The following HS3ST3B1 variants were observed in gnomAD, a reference collection of about 807,000 sequenced individuals.
The protein encoded by HS3ST3B1 is heparan sulfate glucosamine 3-O-sulfotransferase 3B1.
In HS3ST3B1, 13 loss-of-function variants were observed where a neutral mutation model predicts 21.3. The observed-to-expected ratio is 0.61, with a 90% CI of 0.40 to 0.97. The LOEUF (loss-of-function observed/expected upper bound fraction) is 0.97, where lower values mean the gene tolerates loss of function less well. Among genes scored for constraint, HS3ST3B1 ranks in the 50% least tolerant of loss-of-function variants. The pLI, the probability that HS3ST3B1 is intolerant of heterozygous loss-of-function variation, is 0.00. For missense variants in HS3ST3B1, 459 were observed against 554.8 expected, an observed-to-expected ratio of 0.83 and a Z score of 1.73; for synonymous variants, 234 against 254.8, an observed-to-expected ratio of 0.92 and a Z score of 0.78.
intron 1 of HS3ST3B1, among the ~76,000 whole-genome samples, chr17:14,331,624 T>C (rs2142345060): frequency 6.6e-6 from 1 of 152,030 alleles, no homozygotes; most frequent in South Asian, 2.1e-4. Context: ...TTAAAACATT[T>C]AAAAAAGGAA....
rs775511013 is a variant in HS3ST3B1, at chr17:14,301,630, G to C, written c.112G>C (p.Ala38Pro). 1.2e-6 allele frequency: 2 copies of C among 1,607,532 alleles called. No homozygotes were observed. The highest frequency in any genetic ancestry group is 2.2e-5 in the East Asian group (1 of 44,646). ...GAGGAGGAAGCTCGCGCTGCTCTTC[G>C]CCATGCTCTGCGTCTGGCTCTATAT... Reference protein sequence around the residue: ...PVRRKLALLFAMLCVWLYMFL... With the variant: ...PVRRKLALLFPMLCVWLYMFL... The change falls in exon 1 of 2, where the codon GCC becomes CCC. Residue 38 changes from alanine to proline, a missense_variant. By Grantham distance (27) the Ala-to-Pro change is conservative. Coordinates refer to ENST00000360954, the MANE Select transcript of HS3ST3B1 (RefSeq NM_006041.3).
intron 1 of HS3ST3B1, among the ~76,000 whole-genome samples, chr17:14,331,854 G>A (rs1440945376): frequency 6.6e-6 from 1 of 152,122 alleles, no homozygotes; most frequent in African/African-American, 2.4e-5. Flanking sequence ...TTCTCAGAAA[G>A]GGTGGCTTTG....
intron 1 of HS3ST3B1, among the ~76,000 whole-genome samples, chr17:14,317,136 A>G (rs562041111): frequency 2.0e-5 from 3 of 152,326 alleles, no homozygotes; most frequent in African/African-American, 7.2e-5. Context: ...CTAGCTTTTC[A>G]TTCTTATCAC....
intron 1 of HS3ST3B1, among the ~76,000 whole-genome samples, chr17:14,337,612 C>T (rs1278377169): frequency 1.3e-5 from 2 of 151,610 alleles, no homozygotes; most frequent in Non-Finnish European, 2.9e-5. Flanking sequence ...GCTGGGATTA[C>T]AGGTGTGAGC....
intron 1 of HS3ST3B1, among the ~76,000 whole-genome samples, chr17:14,313,093 G>T (rs896948363): frequency 3.1e-4 from 21 of 68,056 alleles, no homozygotes; most frequent in South Asian, 7.6e-4. Flanking sequence ...GTGTGTGTGT[G>T]GTGTGTGTGT....
chr17:14,315,938 G>A (rs1045257334), intron 1 of HS3ST3B1, among the ~76,000 whole-genome samples: 3 of 151,868 alleles, frequency 2.0e-5, no homozygotes, highest in Non-Finnish European at 2.9e-5. Context: ...ATAAATTAAA[G>A]TAAATAAATG....
chr17:14,336,270 A>G lies in HS3ST3B1; in HGVS notation c.555-8758A>G, dbSNP rs999658703. On this transcript the variant is annotated intron_variant, in intron 1 of 1. Transcript: ENST00000360954. ...TGAGTTAGGTTACGCCCATTTCAATAATCTTTTTTATTGTTGTGTAATTTA... is the reference window on the plus strand; with the variant it reads ...TGAGTTAGGTTACGCCCATTTCAATGATCTTTTTTATTGTTGTGTAATTTA... Among the ~76,000 whole-genome samples the G allele has an allele frequency of 2.0e-5, 3 of 152,156 alleles. No individual in the cohort carries two copies. The East Asian group carries it at 5.8e-4, about 29-fold the overall frequency.
At chr17:14,340,945 C>A (rs890697809) in intron 1 of HS3ST3B1, among the ~76,000 whole-genome samples, 1 of 152,088 alleles carries the variant, frequency 6.6e-6, no homozygotes, top group African/African-American at 2.4e-5. Context: ...AGTAGTTCCC[C>A]TGGCTCAGTT....
chr17:14,326,456 A>G (rs1337567571), intron 1 of HS3ST3B1, among the ~76,000 whole-genome samples: 1 of 152,196 alleles, frequency 6.6e-6, no homozygotes, highest in Non-Finnish European at 1.5e-5. Context: ...CTGTTTTCCA[A>G]TCCATTTTTC....
chr17:14,309,230 T>A (rs986376573), intron 1 of HS3ST3B1, among the ~76,000 whole-genome samples: 1 of 152,308 alleles, frequency 6.6e-6, no homozygotes, highest in East Asian at 1.9e-4. Flanking sequence ...GCGGCCCTGG[T>A]GTCGCGCGGG....
rs1910601552 is a variant in HS3ST3B1, at chr17:14,347,036, G to C, written c.*1390G>C. The C allele has an allele frequency of 6.6e-6, 1 of 152,248 alleles. No individual in the cohort carries two copies. Among genetic ancestry groups the C allele is most frequent in the African/African-American group, 2.4e-5 (1 of 41,456 alleles). The allele number at this position is 152,248 out of a possible 1,614,324, so 9.4% of individuals were successfully genotyped here. A position where few individuals can be genotyped will look rare whatever the true frequency, so the allele number is the denominator to read the frequency against. ...AGGAAGGAGTCTGACACCTCAGCTT[G>C]ATGCGTCTTTGGAATTCCTAGCTCA... On this transcript the variant is annotated 3_prime_UTR_variant, in exon 2 of 2. Coordinates refer to ENST00000360954, the MANE Select transcript of HS3ST3B1 (RefSeq NM_006041.3).
rs540157956 is a variant in HS3ST3B1, at chr17:14,326,272, A to G, written c.555-18756A>G. ...GTTGGAAGGAGGGTTGGAAAGAGCG[A>G]GGGAGGAACTTAGAATTCCCTTGGA... On this transcript the variant is annotated intron_variant, in intron 1 of 1. Transcript: ENST00000360954. Among the ~76,000 whole-genome samples, 268 of 152,298 alleles carry G rather than the reference A, an allele frequency of 1.8e-3. 2 individuals carry two copies. Among genetic ancestry groups the G allele is most frequent in the African/African-American group, 5.8e-3 (239 of 41,560 alleles).
At chr17:14,310,066 C>T (rs1909259037) in intron 1 of HS3ST3B1, among the ~76,000 whole-genome samples, 1 of 152,144 alleles carries the variant, frequency 6.6e-6, no homozygotes, top group African/African-American at 2.4e-5. Flanking sequence ...AAGGCGATTC[C>T]GCAGATTCAG....
At chr17:14,309,991 C>T (rs1239540568) in intron 1 of HS3ST3B1, among the ~76,000 whole-genome samples, 1 of 152,222 alleles carries the variant, frequency 6.6e-6, no homozygotes, top group African/African-American at 2.4e-5. Context: ...TCTCCGCCCC[C>T]GTTTCTCTTT....
rs963144985 is a variant in HS3ST3B1 at position 14,347,165 on chromosome 17, A to G, written c.*1519A>G. Reference sequence around the variant, plus strand: ...AAAAAAGGTTGGGAAAGCTGGGCCCATATTGCCTGTAAACCCTTGAGCCTG... The same window carrying G: ...AAAAAAGGTTGGGAAAGCTGGGCCCGTATTGCCTGTAAACCCTTGAGCCTG... On this transcript the variant is annotated 3_prime_UTR_variant, in exon 2 of 2. Transcript: ENST00000360954. The G allele has an allele frequency of 5.9e-5, 9 of 152,236 alleles. No homozygotes were observed. The highest frequency in any genetic ancestry group is 2.2e-4 in the African/African-American group (9 of 41,464). The allele number at this position is 152,236 out of a possible 1,614,324, so 9.4% of individuals were successfully genotyped here.
intron 1 of HS3ST3B1, among the ~76,000 whole-genome samples, chr17:14,313,657 G>C (rs564097172): frequency 6.6e-6 from 1 of 151,920 alleles, no homozygotes; most frequent in Admixed American, 6.6e-5. Flanking sequence ...TGCAACCTCC[G>C]CCTTCCAGGT....
rs142557714 is a variant in HS3ST3B1, at chr17:14,317,022, A to G, written c.554+14950A>G. Among the ~76,000 whole-genome samples the G allele has an allele frequency of 4.9e-4, 74 of 152,306 alleles. No individual in the cohort carries two copies. The Middle Eastern group carries it at 0.01, about 21-fold the overall frequency. ...CTGCATGGATCGCCTGCTCACCTCTACCTGAGCCCTTGCTCAGGAGGAGGC... is the reference window on the plus strand; with the variant it reads ...CTGCATGGATCGCCTGCTCACCTCTGCCTGAGCCCTTGCTCAGGAGGAGGC... On this transcript the variant is annotated intron_variant, in intron 1 of 1. Transcript: ENST00000360954.
In HS3ST3B1 at chr17:14,301,970, G is replaced by T. The variant is rs1441081421; in HGVS notation, c.452G>T (p.Arg151Leu). ...ATCGGCGTGAAGAAGGGCGGCACGC[G>T]GGCGCTGCTGGAGTTTCTGCGCGTG... The part of the protein sequence containing the change: ...IIIGVKKGGT[R>L]ALLEFLRVHP... Residue 151 changes from arginine to leucine, a missense_variant, in exon 1 of 2, where the codon CGG becomes CTG. By Grantham distance (102) the Arg-to-Leu change is moderately radical. Coordinates refer to ENST00000360954, the MANE Select transcript of HS3ST3B1 (RefSeq NM_006041.3). 6.2e-7 allele frequency: 1 copy of T among 1,608,300 alleles called. No individual in the cohort carries two copies. Among genetic ancestry groups the T allele is most frequent in the East Asian group, 2.2e-5 (1 of 44,640 alleles).
chr17:14,305,743 G>A (rs1459825223), intron 1 of HS3ST3B1, among the ~76,000 whole-genome samples: 1 of 152,034 alleles, frequency 6.6e-6, no homozygotes, highest in Non-Finnish European at 1.5e-5. Flanking sequence ...AAAGTATACC[G>A]TACGTGTGTG....
Sources: allele counts gnomAD v4.1 joint callset (sites outside exome capture counted in the v4.1 genomes callset), GRCh38; gene constraint gnomAD v4.1.1; transcripts MANE v1.5; gene names NCBI Gene and HGNC (gene_info 2026-07-23, HGNC 2026-07-21).